The following SKA2 variants were observed in gnomAD, a reference collection of about 807,000 sequenced individuals.
SKA2 encodes spindle and kinetochore-associated protein 2.
In SKA2, 13 loss-of-function variants were observed where a neutral mutation model predicts 16.9. That is an observed-to-expected ratio of 0.77 (90% CI 0.50 to 1.22). The LOEUF (loss-of-function observed/expected upper bound fraction) is 1.22. SKA2 is among the 50% of genes most tolerant of loss of function. The pLI, the probability that SKA2 is intolerant of heterozygous loss-of-function variation, is 0.00. For synonymous variants in SKA2, 47 were observed against 48.5 expected, an observed-to-expected ratio of 0.97 and a Z score of 0.13; for missense variants, 107 against 139.7, an observed-to-expected ratio of 0.77 and a Z score of 1.18.
intron 3 of SKA2, among the ~76,000 whole-genome samples, chr17:59,115,084 G>A (rs2046287655): frequency 7.0e-6 from 1 of 142,154 alleles, no homozygotes; most frequent in Non-Finnish European, 1.5e-5. Flanking sequence ...ATTTTGAAAT[G>A]GAGTTACACT....
intron 2 of SKA2, among the ~76,000 whole-genome samples, chr17:59,121,894 C>A (rs1041173573): frequency 1.3e-5 from 2 of 149,200 alleles, no homozygotes; most frequent in African/African-American, 5.0e-5. Context: ...ATTGCTTGAA[C>A]CTGGGAGGCA....
rs1289515227 is a variant in SKA2, at chr17:59,110,337, GAATT to G, written c.*1936_*1939del. ...AAAGCAAAACCACTTTTAATACTAA[GAATT>G]TATTATGATCTCTCCATGATACTAC... On this transcript the variant is annotated 3_prime_UTR_variant, in exon 4 of 4. Coordinates refer to ENST00000330137, the MANE Select transcript of SKA2 (RefSeq NM_182620.4). 6.6e-6 allele frequency: 1 copy of G among 152,078 alleles called. No homozygotes were observed. The highest frequency in any genetic ancestry group is 2.4e-5 in the African/African-American group (1 of 41,414). The allele number at this position is 152,078 out of a possible 1,614,324, so 9.4% of individuals were successfully genotyped here. A position where few individuals can be genotyped will look rare whatever the true frequency, so the allele number is the denominator to read the frequency against.
At chr17:59,124,864 T>C (rs1236805491) in intron 2 of SKA2, among the ~76,000 whole-genome samples, 1 of 152,300 alleles carries the variant, frequency 6.6e-6, no homozygotes, top group East Asian at 1.9e-4. Context: ...ATGGCCTGTT[T>C]ATGACAGGTT....
chr17:59,133,057 A>G (rs2046421719), intron 1 of SKA2, among the ~76,000 whole-genome samples: 1 of 152,176 alleles, frequency 6.6e-6, no homozygotes. Flanking sequence ...AGCTCACTGC[A>G]GTGTCAAACT....
chr17:59,155,038 C>T, intron 1 of SKA2, 93 bp downstream of exon 1: 2 of 1,614,008 alleles, frequency 1.2e-6, no homozygotes, highest in Non-Finnish European at 1.7e-6. Context: ...CCTCCGCCGC[C>T]CGGAGTTTCC....
chr17:59,145,757 G>T (rs1166715845), intron 1 of SKA2, among the ~76,000 whole-genome samples: 1 of 152,098 alleles, frequency 6.6e-6, no homozygotes, highest in Non-Finnish European at 1.5e-5. Flanking sequence ...GGGAGGCTGA[G>T]GTAGGAGGAT....
intron 3 of SKA2, among the ~76,000 whole-genome samples, chr17:59,116,392 AAATT>A (rs2046296285): frequency 3.5e-5 from 5 of 143,820 alleles, no homozygotes; most frequent in Non-Finnish European, 7.4e-5. Flanking sequence ...ACAAACAAAA[AAATT>A]AAATAAATAA....
At chr17:59,152,132 G>C (rs1316366436) in intron 1 of SKA2, among the ~76,000 whole-genome samples, 1 of 152,062 alleles carries the variant, frequency 6.6e-6, no homozygotes, top group Non-Finnish European at 1.5e-5. Flanking sequence ...TACCTTTTGT[G>C]TACAGTCACT....
At chr17:59,135,310 C>CTT (rs71145527) in intron 1 of SKA2, among the ~76,000 whole-genome samples, 26 of 126,128 alleles carry the variant, frequency 2.1e-4, no homozygotes, top group Non-Finnish European at 3.1e-4. Context: ...ACTAAACTGT[C>CTT]TTTTTTTTTT....
In SKA2 at chr17:59,112,136, G is replaced by T. The variant is rs1237283669; in HGVS notation, c.*141C>A. ...TCTTCTTATAATCTCTCTCATGAAA[G>T]ATATCATTATCCAGTCATTGAAGCC... On this transcript the variant is annotated 3_prime_UTR_variant, in exon 4 of 4. Transcript: ENST00000330137. 1 of 625,176 alleles carries T rather than the reference G, an allele frequency of 1.6e-6. No individual in the cohort carries two copies. The allele number at this position is 625,176 out of a possible 1,614,324, so 38.7% of individuals were successfully genotyped here.
chr17:59,114,648 CAG>C (rs1466885907), intron 3 of SKA2, among the ~76,000 whole-genome samples: 1 of 152,094 alleles, frequency 6.6e-6, no homozygotes, highest in East Asian at 1.9e-4. Context: ...GAAAGGATAA[CAG>C]ATACTGAGAA....
In SKA2 at chr17:59,112,221, A is replaced by G; in HGVS notation, c.*56T>C. The G allele has an allele frequency of 6.9e-7, 1 of 1,456,312 alleles. No homozygotes were observed. The highest frequency in any genetic ancestry group is 9.5e-7 in the Non-Finnish European group (1 of 1,048,884). 90.2% of individuals were successfully genotyped at this position (1,456,312 alleles called of 1,614,324 possible). On this transcript the variant is annotated 3_prime_UTR_variant, in exon 4 of 4. Transcript: ENST00000330137. ...CAAGGGTTAACAAGACATCTTCCTA[A>G]ATTTCTCCGGAATTAAGCTCTTCTC...
At chr17:59,143,025 C>T (rs2147816316) in intron 1 of SKA2, among the ~76,000 whole-genome samples, 1 of 151,994 alleles carries the variant, frequency 6.6e-6, no homozygotes, top group East Asian at 1.9e-4. Context: ...CCTCCTGCCT[C>T]AGCCTCCCAA....
At chr17:59,151,118 C>A in intron 1 of SKA2, 1 of 494,102 alleles carries the variant, frequency 2.0e-6, no homozygotes, top group Non-Finnish European at 4.2e-6. Context: ...AGGTAAGAAT[C>A]AAAATTCTGG....
intron 1 of SKA2, among the ~76,000 whole-genome samples, chr17:59,141,329 G>A (rs1000943293): frequency 1.3e-4 from 20 of 151,990 alleles, no homozygotes; most frequent in Admixed American, 7.2e-4. Context: ...CCTGGGAAGC[G>A]GAGGTTGCAA....
At chr17:59,149,819 T>A (rs1483244735) in intron 1 of SKA2, among the ~76,000 whole-genome samples, 1 of 152,180 alleles carries the variant, frequency 6.6e-6, no homozygotes, top group Non-Finnish European at 1.5e-5. Flanking sequence ...TCCATTTATA[T>A]GAAATTCTAG....
At chr17:59,124,585 AT>A (rs1447226637) in intron 2 of SKA2, among the ~76,000 whole-genome samples, 1 of 152,212 alleles carries the variant, frequency 6.6e-6, no homozygotes, top group Non-Finnish European at 1.5e-5. Flanking sequence ...AGAGATCTGC[AT>A]GTATTAATAT....
intron 1 of SKA2, among the ~76,000 whole-genome samples, chr17:59,133,563 A>C (rs1366708834): frequency 2.0e-5 from 3 of 152,168 alleles, no homozygotes; most frequent in Admixed American, 2.0e-4. Context: ...AAACTGTTAA[A>C]AGCAGTTCTC....
chr17:59,139,684 T>G (rs1158199988), intron 1 of SKA2, among the ~76,000 whole-genome samples: 1 of 152,114 alleles, frequency 6.6e-6, no homozygotes, highest in Admixed American at 6.6e-5. Context: ...TTCTCTTCAA[T>G]GTACATTTAG....
Sources: allele counts gnomAD v4.1 joint callset (sites outside exome capture counted in the v4.1 genomes callset), GRCh38; gene constraint gnomAD v4.1.1; transcripts MANE v1.5; gene names NCBI Gene and HGNC (gene_info 2026-07-23, HGNC 2026-07-21).